DNAH9: variants seen among roughly 807,000 people sequenced by gnomAD.
DNAH9 encodes the protein DNAH9 variant protein.
In DNAH9, 345 loss-of-function variants were observed where a neutral mutation model predicts 471.6. That is an observed-to-expected ratio of 0.73 (90% CI 0.67 to 0.80). The LOEUF (loss-of-function observed/expected upper bound fraction) is 0.80, where lower values mean the gene tolerates loss of function less well. Ranked by LOEUF, DNAH9 falls within the 30% of genes least tolerant of loss-of-function variation. The probability of loss-of-function intolerance (pLI) is 0.00; values close to 1 mark genes in which losing one functional copy is unlikely to be tolerated. For missense variants in DNAH9, 5,407 were observed against 5,609.2 expected (o/e 0.96, Z 1.15); for synonymous variants, 2,093 against 2,123.6 (o/e 0.99, Z 0.40).
In DNAH9 at chr17:11,632,524, A is replaced by C. The variant is rs868435591; in HGVS notation, c.1519-63A>C. Reference sequence around the variant, plus strand: ...TCAAACACAAAAGTTAGCTGTGAGGAGCATAGTGGGGTTGGCTTACAGAAA... The same window carrying C: ...TCAAACACAAAAGTTAGCTGTGAGGCGCATAGTGGGGTTGGCTTACAGAAA... On this transcript the variant is annotated intron_variant, in intron 7 of 68. Transcript: ENST00000262442. 5.2e-6 allele frequency: 4 copies of C among 772,710 alleles called. No individual in the cohort carries two copies. In the East Asian group the frequency reaches 9.8e-5, roughly 19 times the overall value. 47.9% of individuals were successfully genotyped at this position (772,710 alleles called of 1,614,324 possible).
At chr17:11,772,833 CAGAGTAGCAGCA>C in intron 38 of DNAH9, among the ~76,000 whole-genome samples, 1 of 152,286 alleles carries the variant, frequency 6.6e-6, no homozygotes, top group Non-Finnish European at 1.5e-5. Context: ...AGCCGAAGCC[CAGAGTAGCAGCA>C]TATATGTTAC....
At chr17:11,688,617 G>T (rs777369514) in intron 19 of DNAH9, among the ~76,000 whole-genome samples, 6 of 152,206 alleles carry the variant, frequency 3.9e-5, no homozygotes, top group Non-Finnish European at 5.9e-5. Flanking sequence ...ATCACCTGTG[G>T]AGTGCATCTG....
chr17:11,942,540 C>A, intron 67 of DNAH9, 55 bp downstream of exon 67: 1 of 1,543,902 alleles, frequency 6.5e-7, no homozygotes, highest in African/African-American at 1.4e-5. Context: ...CACAGATGGA[C>A]CCCTATGGGG....
At chr17:11,965,926 G>C (rs1003855986) in intron 68 of DNAH9, among the ~76,000 whole-genome samples, 5 of 151,868 alleles carry the variant, frequency 3.3e-5, no homozygotes, top group African/African-American at 4.8e-5. Flanking sequence ...CCCGTTAGAA[G>C]AAAAAAATGA....
At position 11,741,513 on chromosome 17, in the gene DNAH9, A is replaced by G. The variant is rs538640963; in HGVS notation, c.5973-662A>G. Reference sequence around the variant, plus strand: ...TTTACATTTGTATTCAAACAAGTACAGGATACACCCTAGGTGTCTAGGCTT... The same window carrying G: ...TTTACATTTGTATTCAAACAAGTACGGGATACACCCTAGGTGTCTAGGCTT... On this transcript the variant is annotated intron_variant, in intron 29 of 68. Coordinates refer to ENST00000262442, the MANE Select transcript of DNAH9 (RefSeq NM_001372.4). Among the ~76,000 whole-genome samples, 14 of 149,582 alleles carry G rather than the reference A, an allele frequency of 9.4e-5. No homozygotes were observed. In the East Asian group the frequency reaches 2.7e-3, roughly 29 times the overall value.
intron 61 of DNAH9, among the ~76,000 whole-genome samples, chr17:11,923,097 C>G (rs1465763638): frequency 1.3e-5 from 2 of 151,674 alleles, no homozygotes; most frequent in African/African-American, 4.8e-5. Flanking sequence ...TGTTTTGAGA[C>G]TGAGTTTCGC....
chr17:11,940,435 T>C (rs191919296), intron 66 of DNAH9, among the ~76,000 whole-genome samples: 2 of 152,342 alleles, frequency 1.3e-5, no homozygotes, highest in East Asian at 3.9e-4. Context: ...CTCGCTGATA[T>C]AGAGCTGTTT....
Position 11,902,897 on chromosome 17 carries a change from T to A in DNAH9, c.11585T>A (p.Met3862Lys), listed in dbSNP as rs370289838. 15 of 1,613,268 alleles carry A rather than the reference T, an allele frequency of 9.3e-6. No homozygotes were observed. Among genetic ancestry groups the A allele is most frequent in the Non-Finnish European group, 1.2e-5 (14 of 1,179,736 alleles). Residue 3862 changes from methionine to lysine, a missense_variant, in exon 60 of 69, where the codon ATG becomes AAG. Physicochemically the swap from Met to Lys is moderately conservative, Grantham distance 95. Transcript: ENST00000262442. ...CMLRAMRPDR[M>K]TYALRDFVEE... ...CTGAGAGCCATGCGGCCCGACCGGA[T>A]GACCTATGCTTTGCGGTAGGAAACA...
At chr17:11,656,521 T>G (rs1381206940) in intron 14 of DNAH9, among the ~76,000 whole-genome samples, 1 of 152,204 alleles carries the variant, frequency 6.6e-6, no homozygotes, top group East Asian at 1.9e-4. Flanking sequence ...CGTTTAATTG[T>G]GTGGATGCAC....
At chr17:11,675,306 ATTAAT>A (rs1444504275) in intron 17 of DNAH9, among the ~76,000 whole-genome samples, 4 of 152,300 alleles carry the variant, frequency 2.6e-5, no homozygotes, top group South Asian at 2.1e-4. Context: ...ATCCTGCTAA[ATTAAT>A]TTAATAATTT....
At chr17:11,877,473 TA>T (rs550300868) in intron 53 of DNAH9, among the ~76,000 whole-genome samples, 1,741 of 68,350 alleles carry the variant, frequency 0.025, 8 homozygotes, top group Non-Finnish European at 0.033. Context: ...AAACTCTGTC[TA>T]AAAAAAAAAA....
intron 30 of DNAH9, among the ~76,000 whole-genome samples, chr17:11,743,319 C>T (rs897185657): frequency 2.6e-5 from 4 of 152,200 alleles, no homozygotes; most frequent in African/African-American, 7.2e-5. Context: ...AGACAAGTCT[C>T]ATTTCCTTTC....
At chr17:11,874,314 C>T (rs907957352) in intron 52 of DNAH9, among the ~76,000 whole-genome samples, 1 of 151,258 alleles carries the variant, frequency 6.6e-6, no homozygotes, top group Non-Finnish European at 1.5e-5. Flanking sequence ...GTCTAGGGCA[C>T]ACACAGGAGC....
At position 11,747,398 on chromosome 17, in the gene DNAH9, G is replaced by T. The variant is rs76697912; in HGVS notation, c.6400-158G>T. Among the ~76,000 whole-genome samples, 54 of 152,284 alleles carry T rather than the reference G, an allele frequency of 3.5e-4. 2 individuals carry two copies. In the East Asian group the frequency reaches 0.01, roughly 29 times the overall value. ...AATACAGGAACAAATGAATCATGTT[G>T]CCCCTATATTTCAGACCTCCTGACA... On this transcript the variant is annotated intron_variant, in intron 31 of 68. Coordinates refer to ENST00000262442, the MANE Select transcript of DNAH9 (RefSeq NM_001372.4).
At chr17:11,823,161 GTCATCAGTA>G (rs1213364831) in intron 48 of DNAH9, 127 bp downstream of exon 48, 9 of 773,340 alleles carry the variant, frequency 1.2e-5, no homozygotes, top group Non-Finnish European at 6.1e-6. Flanking sequence ...AGACTCCCAT[GTCATCAGTA>G]TCTATTATGT....
At chr17:11,644,724 G>A in intron 11 of DNAH9, 25 bp downstream of exon 11, 1 of 1,565,872 alleles carries the variant, frequency 6.4e-7, no homozygotes, top group Non-Finnish European at 8.8e-7. Context: ...GCATTGCGTG[G>A]GTCTGCAGAT....
intron 15 of DNAH9, 141 bp from the exon 16 acceptor site, chr17:11,668,920 AAAC>A: frequency 1.6e-6 from 1 of 631,392 alleles, no homozygotes; most frequent in Non-Finnish European, 2.7e-6. Flanking sequence ...TATGGGATGT[AAAC>A]AAAATTTTAC....
intron 67 of DNAH9, among the ~76,000 whole-genome samples, chr17:11,949,645 C>T (rs1432834427): frequency 1.3e-5 from 2 of 152,094 alleles, no homozygotes; most frequent in African/African-American, 4.8e-5. Flanking sequence ...GCATGCCTGG[C>T]TAATTTTGTA....
rs373068993 is a variant in DNAH9 at position 11,769,182 on chromosome 17, G to A, written c.7405G>A (p.Ala2469Thr). ...RVCYFMERLMARQRPVMLVGT... is the reference protein window; with the variant it reads ...RVCYFMERLMTRQRPVMLVGT... ...GTGCTACTTCATGGAGCGGTTGATG[G>A]CGCGGCAGCGGCCTGTCATGCTGGT... Residue 2469 changes from alanine to threonine, a missense_variant, in exon 38 of 69, where the codon GCG (alanine) becomes ACG (threonine). Ala to Thr is a moderately conservative substitution (Grantham distance 58). Coordinates refer to ENST00000262442, the MANE Select transcript of DNAH9 (RefSeq NM_001372.4). The A allele has an allele frequency of 5.6e-6, 9 of 1,614,122 alleles. No individual in the cohort carries two copies. In the African/African-American group the frequency reaches 9.3e-5, roughly 17 times the overall value.
Sources: gnomAD v4.1 joint callset for allele counts (sites outside exome capture counted in the v4.1 genomes callset) on GRCh38, gnomAD v4.1.1 for gene constraint, MANE v1.5 for transcripts, NCBI Gene and HGNC (gene_info 2026-07-23, HGNC 2026-07-21) for gene names.